Variants in SLC39A13 observed in about 807,000 individuals in gnomAD.
The protein encoded by SLC39A13 is solute carrier family 39 member 13, also known as zinc transporter ZIP13.
SLC39A13 carries 18 observed loss-of-function variants against 38.7 expected under a neutral mutation model. The ratio of observed to expected loss-of-function variants is 0.47; its 90% CI spans 0.32 to 0.69. SLC39A13 has a LOEUF of 0.69. Among genes scored for constraint, SLC39A13 ranks in the 30% least tolerant of loss-of-function variants. SLC39A13 has a pLI of 0.03. For missense variants in SLC39A13, 395 were observed against 490.7 expected, an observed-to-expected ratio of 0.80 and a Z score of 1.84; for synonymous variants, 212 against 219.1, an observed-to-expected ratio of 0.97 and a Z score of 0.29.
upstream of SLC39A13, chr11:47,408,542 G>C (rs2095980970): frequency 6.8e-6 from 1 of 146,932 alleles, no homozygotes; most frequent in Non-Finnish European, 1.5e-5. Flanking sequence ...CCGCGCGCCG[G>C]GGGCGGCCCC....
chr11:47,413,543 G>A lies in SLC39A13; in HGVS notation c.645+36G>A. The A allele has an allele frequency of 2.5e-6, 4 of 1,613,978 alleles. 1 individual carries two copies. In the South Asian group the frequency reaches 4.4e-5, roughly 18 times the overall value. ...TGCTCAGGGCCCCTGCAGCCGTACT[G>A]CCCTGAGTGGCCAGCCCCACTCAGC... On this transcript the variant is annotated intron_variant, in intron 5 of 9. Transcript: ENST00000362021.
chr11:47,410,076 G>T lies in SLC39A13; in HGVS notation c.-8-11G>T, dbSNP rs956296590. 1.9e-6 allele frequency: 3 copies of T among 1,612,166 alleles called. No individual in the cohort carries two copies. The African/African-American group carries it at 4.0e-5, about 22-fold the overall frequency. On this transcript the variant is annotated splice_polypyrimidine_tract_variant and intron_variant, in intron 1 of 9. Coordinates refer to ENST00000362021, the MANE Select transcript of SLC39A13 (RefSeq NM_001128225.3). ...CTGTAGCTCATATAGGTGGCCTTTT[G>T]TGTTTTTCAGTACGTGGCATGCCTG...
chr11:47,414,935 C>A, intron 8 of SLC39A13, 26 bp downstream of exon 8: 1 of 1,603,678 alleles, frequency 6.2e-7, no homozygotes, highest in South Asian at 1.1e-5. Context: ...GTGGTTGTGG[C>A]GGGTGGCATC....
At position 47,415,924 on chromosome 11, in the gene SLC39A13, A is replaced by ACAGT. The variant is rs777600578; in HGVS notation, c.*563_*566dup. On this transcript the variant is annotated 3_prime_UTR_variant, in exon 10 of 10. Transcript: ENST00000362021. ...TGTACCCCAGCCCCACTCAGCACTG[A>ACAGT]CAGTCCCCAGCTCCTAGTAGTGAGC... 3.1e-5 allele frequency: 6 copies of ACAGT among 191,756 alleles called. No individual in the cohort carries two copies. The highest frequency in any genetic ancestry group is 5.5e-5 in the Non-Finnish European group (5 of 91,032). 11.9% of individuals were successfully genotyped at this position (191,756 alleles called of 1,614,324 possible). A position where few individuals can be genotyped will look rare whatever the true frequency, so the allele number is the denominator to read the frequency against.
chr11:47,409,754 A>G (rs2095987801), intron 1 of SLC39A13: 1 of 304,416 alleles, frequency 3.3e-6, no homozygotes, highest in East Asian at 7.9e-5. Context: ...TGGCAGCCAG[A>G]GACACCCAGC....
chr11:47,407,782 C>T (rs2095977459), upstream of SLC39A13, among the ~76,000 whole-genome samples: 1 of 152,218 alleles, frequency 6.6e-6, no homozygotes, highest in Non-Finnish European at 1.5e-5. Context: ...TGAGATAGTG[C>T]GAGTAAAGTG....
chr11:47,411,991 C>T lies in SLC39A13; in HGVS notation c.367C>T (p.Leu123=). The T allele has an allele frequency of 1.2e-6, 2 of 1,613,802 alleles. No individual in the cohort carries two copies. Among genetic ancestry groups the T allele is most frequent in the Non-Finnish European group, 8.5e-7 (1 of 1,179,948 alleles). ...GGGGGGACTCTTGGGCAATGTGTTT[C>T]TGCATCTGCTGCCCGAAGCCTGGGC... is the stretch of plus-strand genomic sequence containing the variant. The part of the protein sequence containing the change: ...ALGGLLGNVF[L]HLLPEAWAYT... Residue 123 remains leucine (L), a synonymous_variant, in exon 3 of 10, where the codon CTG becomes TTG. Transcript: ENST00000362021.
Position 47,410,198 on chromosome 11 carries a change from C to G in SLC39A13, c.104C>G (p.Pro35Arg). 6.2e-7 allele frequency: 1 copy of G among 1,613,832 alleles called. No individual in the cohort carries two copies. Among genetic ancestry groups the G allele is most frequent in the Non-Finnish European group, 8.5e-7 (1 of 1,179,972 alleles). The part of the protein sequence containing the change: ...ELLERAGGSQ[P>R]ALRSRGTATA... Reference sequence around the variant, plus strand: ...TTGGAAAGGGCTGGGGGTTCCCAGCCGGCCCTCCGGAGCCGGGGGACTGCG... The same window carrying G: ...TTGGAAAGGGCTGGGGGTTCCCAGCGGGCCCTCCGGAGCCGGGGGACTGCG... Residue 35 changes from proline (P) to arginine (R), a missense_variant, in exon 2 of 10, where the codon CCG becomes CGG. Physicochemically the swap from Pro to Arg is moderately radical, Grantham distance 103 (BLOSUM62 -2). Transcript: ENST00000362021.
At chr11:47,410,914 C>T (rs1348470951) in intron 2 of SLC39A13, among the ~76,000 whole-genome samples, 10 of 152,194 alleles carry the variant, frequency 6.6e-5, no homozygotes, top group Non-Finnish European at 1.2e-4. Flanking sequence ...GGGCTGAGGG[C>T]GGTGCCACAG....
intron 4 of SLC39A13, 40 bp from the exon 5 acceptor site, chr11:47,413,360 G>T (rs544993957): frequency 6.3e-7 from 1 of 1,591,314 alleles, no homozygotes; most frequent in South Asian, 1.1e-5. Flanking sequence ...CTGAGTGGGG[G>T]GCATCTAATG....
At chr11:47,411,816 C>A in intron 2 of SLC39A13, 110 bp from the exon 3 acceptor site, 1 of 1,050,016 alleles carries the variant, frequency 9.5e-7, no homozygotes, top group Non-Finnish European at 1.4e-6. Flanking sequence ...GAGCAGCCAC[C>A]CATATCCAGC....
chr11:47,411,798 C>T, intron 2 of SLC39A13, 128 bp from the exon 3 acceptor site: 1 of 858,230 alleles, frequency 1.2e-6, no homozygotes. Flanking sequence ...AGGTGGGGGA[C>T]CCAGGAAGAG....
rs975764680 is a variant in SLC39A13 at position 47,411,841 on chromosome 11, A to C, written c.302-85A>C. 108 of 1,354,056 alleles carry C rather than the reference A, an allele frequency of 8.0e-5. No individual in the cohort carries two copies. The South Asian group carries it at 1.2e-3, about 16-fold the overall frequency. 83.9% of individuals were successfully genotyped at this position (1,354,056 alleles called of 1,614,324 possible). Reference sequence around the variant, plus strand: ...CCATATCCAGCCTTGCAGGCCCAGAAAGAGCCCAGTGAGTGGGGTGGGATG... The same window carrying C: ...CCATATCCAGCCTTGCAGGCCCAGACAGAGCCCAGTGAGTGGGGTGGGATG... On this transcript the variant is annotated intron_variant, in intron 2 of 9. Transcript: ENST00000362021.
At chr11:47,414,609 G>C (rs533696055) in intron 7 of SLC39A13, 134 bp downstream of exon 7, 10 of 1,484,652 alleles carry the variant, frequency 6.7e-6, no homozygotes, top group Middle Eastern at 2.2e-4. Flanking sequence ...GTGAGGGCTG[G>C]AGCTCCTCAC....
rs756343718 is a variant in SLC39A13, at chr11:47,411,971, G to A, written c.347G>A (p.Gly116Glu). The stretch of plus-strand genomic sequence containing the variant: ...CAGCTGCTCAGCTTCGCCCTGGGGG[G>A]ACTCTTGGGCAATGTGTTTCTGCAT... The part of the protein sequence containing the change: ...LKQLLSFALG[G>E]LLGNVFLHLL... The change falls in exon 3 of 10, where the codon GGA becomes GAA. Residue 116 changes from glycine (G) to glutamate (E), a missense_variant. Physicochemically the swap from Gly to Glu is moderately conservative, Grantham distance 98. Transcript: ENST00000362021. The A allele has an allele frequency of 4.3e-6, 7 of 1,613,982 alleles. No individual in the cohort carries two copies. The highest frequency in any genetic ancestry group is 2.2e-5 in the East Asian group (1 of 44,886).
Position 47,415,331 on chromosome 11 carries a change from G to A in SLC39A13, c.1084G>A (p.Val362Ile). 1.2e-6 allele frequency: 2 copies of A among 1,614,108 alleles called. No homozygotes were observed. Among genetic ancestry groups the A allele is most frequent in the Non-Finnish European group, 1.7e-6 (2 of 1,180,016 alleles). The change falls in exon 10 of 10, where the codon GTA becomes ATA. Residue 362 changes from valine (V) to isoleucine (I), a missense_variant. Physicochemically the swap from Val to Ile is conservative, Grantham distance 29 (BLOSUM62 3). Transcript: ENST00000362021. ...QLLLLCAGIV[V>I]MVLFSLFVD ...GCTTCTGCTCTGTGCGGGCATCGTG[G>A]TAATGGTGCTGTTCTCGCTCTTCGT... is the stretch of plus-strand genomic sequence containing the variant.
chr11:47,415,258 C>A, intron 9 of SLC39A13, 30 bp from the exon 10 acceptor site: 1 of 1,613,760 alleles, frequency 6.2e-7, no homozygotes, highest in Non-Finnish European at 8.5e-7. Context: ...CCTGCCCATG[C>A]CTCCACCGTG....
rs2096016303 is a variant in SLC39A13 at position 47,414,574 on chromosome 11, C to T, written c.786+99C>T. The stretch of plus-strand genomic sequence containing the variant: ...AGGAGGGTGTGGGGCTGGGCCTGTC[C>T]AGCATGGCACTCTGGGGCTGGGCTG... On this transcript the variant is annotated intron_variant, in intron 7 of 9. Transcript: ENST00000362021. 3.3e-6 allele frequency: 5 copies of T among 1,527,168 alleles called. No individual in the cohort carries two copies. In the Admixed American group the frequency reaches 8.6e-5, roughly 26 times the overall value. The allele number at this position is 1,527,168 out of a possible 1,614,324, so 94.6% of individuals were successfully genotyped here.
At chr11:47,408,974 G>C (rs1014165266) in intron 1 of SLC39A13, 1 of 153,040 alleles carries the variant, frequency 6.5e-6, no homozygotes, top group African/African-American at 2.4e-5. Context: ...GCCTCGTCCT[G>C]GCCCAGTCTT....
Sources: gnomAD v4.1 joint callset for allele counts (sites outside exome capture counted in the v4.1 genomes callset) on GRCh38, gnomAD v4.1.1 for gene constraint, MANE v1.5 for transcripts, NCBI Gene and HGNC (gene_info 2026-07-23, HGNC 2026-07-21) for gene names.